RNF138: variants seen among roughly 807,000 people sequenced by gnomAD.
RNF138 encodes E3 ubiquitin-protein ligase RNF138.
In RNF138, 12 loss-of-function variants were observed where a neutral mutation model predicts 31.0. That is an observed-to-expected ratio of 0.39 (90% confidence interval 0.25 to 0.63). The LOEUF is 0.63. Among genes scored for constraint, RNF138 ranks in the 20% least tolerant of loss-of-function variants. The probability of loss-of-function intolerance (pLI) is 0.52; values close to 1 mark genes in which losing one functional copy is unlikely to be tolerated. For missense variants in RNF138, 192 were observed against 300.1 expected (o/e 0.64, Z 2.66); for synonymous variants, 105 against 99.5 (o/e 1.06, Z -0.33).
chr18:32,095,179 T>TTA (rs1016627983), intron 2 of RNF138, among the ~76,000 whole-genome samples: 5 of 84,732 alleles, frequency 5.9e-5, no homozygotes, highest in Non-Finnish European at 9.9e-5. Context: ...AAAATTATCG[T>TTA]TTTTTTTTGA....
At position 32,130,105 on chromosome 18, in the gene RNF138, T is replaced by C. The variant is rs1026738672; in HGVS notation, c.*918T>C. Reference sequence around the variant, plus strand: ...ATACATATACTTTTGTGTGTATATATACACATATGTGTGTATGCAGTTTGT... The same window carrying C: ...ATACATATACTTTTGTGTGTATATACACACATATGTGTGTATGCAGTTTGT... On this transcript the variant is annotated 3_prime_UTR_variant, in exon 8 of 8. Transcript: ENST00000261593. 2 of 152,458 alleles carry C rather than the reference T, an allele frequency of 1.3e-5. No homozygotes were observed. The highest frequency in any genetic ancestry group is 1.3e-4 in the Admixed American group (2 of 15,270). The allele number at this position is 152,458 out of a possible 1,614,324, so 9.4% of individuals were successfully genotyped here. A position where few individuals can be genotyped will look rare whatever the true frequency, so the allele number is the denominator to read the frequency against.
At chr18:32,116,703 C>T (rs2040221959) in intron 4 of RNF138, among the ~76,000 whole-genome samples, 1 of 151,644 alleles carries the variant, frequency 6.6e-6, no homozygotes, top group African/African-American at 2.4e-5. Context: ...GGGCGCATGC[C>T]ACCACATCCA....
chr18:32,102,489 C>T (rs1406835575), intron 2 of RNF138, among the ~76,000 whole-genome samples: 1 of 152,010 alleles, frequency 6.6e-6, no homozygotes, highest in Non-Finnish European at 1.5e-5. Flanking sequence ...GCGTGAGCCA[C>T]TGTGCCTGGC....
At chr18:32,106,467 G>T (rs1449920750) in intron 2 of RNF138, among the ~76,000 whole-genome samples, 3 of 152,110 alleles carry the variant, frequency 2.0e-5, no homozygotes, top group Non-Finnish European at 4.4e-5. Context: ...ATGCTAATCT[G>T]ATTCTCTTTC....
chr18:32,124,642 T>TA (rs1376350023), intron 5 of RNF138, 92 bp from the exon 6 acceptor site: 1 of 681,862 alleles, frequency 1.5e-6, no homozygotes. Context: ...ATAACTTTTT[T>TA]AAAAAATGTA....
At chr18:32,113,679 C>A in intron 3 of RNF138, 66 bp from the exon 4 acceptor site, 1 of 716,124 alleles carries the variant, frequency 1.4e-6, no homozygotes, top group Non-Finnish European at 2.2e-6. Context: ...TTTTTCCTCT[C>A]TTTACACTAT....
At chr18:32,110,160 T>A (rs2040102770) in intron 2 of RNF138, among the ~76,000 whole-genome samples, 1 of 152,090 alleles carries the variant, frequency 6.6e-6, no homozygotes, top group Admixed American at 6.5e-5. Flanking sequence ...TAATTTTTTT[T>A]ATTTTTAATT....
At chr18:32,105,994 G>T (rs1178279066) in intron 2 of RNF138, among the ~76,000 whole-genome samples, 1 of 152,160 alleles carries the variant, frequency 6.6e-6, no homozygotes, top group Non-Finnish European at 1.5e-5. Context: ...ATTCTTCTTA[G>T]TTCAGTTTGG....
intron 7 of RNF138, among the ~76,000 whole-genome samples, chr18:32,127,747 T>C (rs1313293254): frequency 2.0e-5 from 3 of 152,248 alleles, no homozygotes; most frequent in Non-Finnish European, 4.4e-5. Flanking sequence ...TGAACCACTT[T>C]TGATCTAATT....
chr18:32,106,104 CTCT>C (rs1469725017), intron 2 of RNF138, among the ~76,000 whole-genome samples: 1 of 152,298 alleles, frequency 6.6e-6, no homozygotes, highest in African/African-American at 2.4e-5. Context: ...ACTTATCCCT[CTCT>C]TCTTTTAAAA....
chr18:32,093,281 C>T (rs963665275), intron 2 of RNF138, among the ~76,000 whole-genome samples: 3 of 152,118 alleles, frequency 2.0e-5, no homozygotes, highest in Non-Finnish European at 4.4e-5. Flanking sequence ...TTCTTAGCAA[C>T]CCGGGTGAAG....
intron 2 of RNF138, among the ~76,000 whole-genome samples, chr18:32,093,810 A>G (rs959227617): frequency 5.9e-5 from 9 of 152,206 alleles, no homozygotes; most frequent in Admixed American, 2.0e-4. Flanking sequence ...CTTGTTGAGA[A>G]GGTGTATAGC....
chr18:32,101,599 G>A (rs1433520162), intron 2 of RNF138, among the ~76,000 whole-genome samples: 1 of 152,054 alleles, frequency 6.6e-6, no homozygotes, highest in East Asian at 1.9e-4. Context: ...GATCATGAAT[G>A]GATAGTTTCT....
chr18:32,102,195 C>CTTTTT (rs1167535943), intron 2 of RNF138, among the ~76,000 whole-genome samples: 56 of 63,820 alleles, frequency 8.8e-4, no homozygotes, highest in African/African-American at 1.7e-3. Flanking sequence ...CTTTTAGTTT[C>CTTTTT]TTTTTTTTTT....
intron 2 of RNF138, among the ~76,000 whole-genome samples, chr18:32,101,373 C>T (rs1274583134): frequency 6.6e-6 from 1 of 151,848 alleles, no homozygotes; most frequent in Non-Finnish European, 1.5e-5. Context: ...CGTGCACCAC[C>T]ACTCCTGGCT....
intron 3 of RNF138, among the ~76,000 whole-genome samples, chr18:32,112,451 C>T (rs1419757797): frequency 2.0e-5 from 3 of 152,100 alleles, no homozygotes; most frequent in Non-Finnish European, 4.4e-5. Context: ...TATGGGAGGC[C>T]AAGGTGGGTG....
rs571424632 is a variant in RNF138 at position 32,116,646 on chromosome 18, G to A, written c.392+2786G>A. On this transcript the variant is annotated intron_variant, in intron 4 of 7. Transcript: ENST00000261593. ...GGCTCACTGTAGCCTTGACCTCCTG[G>A]GCTCAAGCAGTCCTTCTGCCTCAGC... Among the ~76,000 whole-genome samples the A allele has an allele frequency of 5.9e-5, 9 of 151,918 alleles. No individual in the cohort carries two copies. In the East Asian group the frequency reaches 1.7e-3, roughly 29 times the overall value.
chr18:32,127,305 T>C (rs930156569), intron 7 of RNF138, among the ~76,000 whole-genome samples: 1 of 152,194 alleles, frequency 6.6e-6, no homozygotes, highest in Non-Finnish European at 1.5e-5. Context: ...AATGTAAAAA[T>C]GAATTCATAA....
intron 4 of RNF138, among the ~76,000 whole-genome samples, chr18:32,118,105 T>C (rs997815499): frequency 6.6e-6 from 1 of 152,226 alleles, no homozygotes; most frequent in African/African-American, 2.4e-5. Context: ...TTACCAGCAG[T>C]CTTTTATTTT....
Sources: allele counts gnomAD v4.1 joint callset (sites outside exome capture counted in the v4.1 genomes callset), GRCh38; gene constraint gnomAD v4.1.1; transcripts MANE v1.5; gene names NCBI Gene and HGNC (gene_info 2026-07-23, HGNC 2026-07-21).